Variants in ATIC observed in about 807,000 individuals in gnomAD.
ATIC encodes the protein 5-aminoimidazole-4-carboxamide ribonucleotide formyltransferase/IMP cyclohydrolase.
In ATIC, 64 loss-of-function variants were observed where a neutral mutation model predicts 72.5. That is an observed-to-expected ratio of 0.88 (90% CI 0.72 to 1.09). ATIC has a LOEUF of 1.09. ATIC is among the 50% of genes least tolerant of loss of function. The pLI is 0.00. For missense variants in ATIC, 787 were observed against 732.4 expected, an observed-to-expected ratio of 1.07 and a Z score of -0.86; for synonymous variants, 281 against 267.1, an observed-to-expected ratio of 1.05 and a Z score of -0.51.
chr2:215,337,158 C>T (rs1264136310), intron 11 of ATIC, among the ~76,000 whole-genome samples: 1 of 150,668 alleles, frequency 6.6e-6, no homozygotes, highest in Admixed American at 6.6e-5. Flanking sequence ...TAAGATTATG[C>T]ATTGATAAAG....
intron 2 of ATIC, 123 bp downstream of exon 2, chr2:215,312,747 A>T (rs2052667870): frequency 6.9e-7 from 1 of 1,446,642 alleles, no homozygotes. Context: ...AGGTTGGTGT[A>T]ATACTTCCCC....
intron 14 of ATIC, chr2:215,348,812 G>T: frequency 3.1e-6 from 1 of 319,230 alleles, no homozygotes. Context: ...ACAAAAATTA[G>T]CTGGGTGTGG....
intron 11 of ATIC, 72 bp downstream of exon 11, chr2:215,336,196 T>G: frequency 3.4e-6 from 4 of 1,168,416 alleles, no homozygotes; most frequent in Non-Finnish European, 5.2e-6. Flanking sequence ...TGTTTACTCT[T>G]TCCTTTATAC....
chr2:215,335,301 T>A (rs1392108374), intron 10 of ATIC, among the ~76,000 whole-genome samples: 1 of 152,154 alleles, frequency 6.6e-6, no homozygotes, highest in Non-Finnish European at 1.5e-5. Context: ...GAGCAGAAGT[T>A]GTAATTTTAG....
chr2:215,332,443 G>C lies in ATIC; in HGVS notation c.750G>C (p.Val250=). Residue 250 remains valine (V), a synonymous_variant, in exon 8 of 16, where the codon GTG becomes GTC. Transcript: ENST00000236959. ...ATGCTTTGAACGCCTGGCAGCTGGTGAAGGAACTCAAGGAGGCTTTAGGTA... is the reference window on the plus strand; with the variant it reads ...ATGCTTTGAACGCCTGGCAGCTGGTCAAGGAACTCAAGGAGGCTTTAGGTA... ...LCDALNAWQL[V]KELKEALGIP... 6.2e-7 allele frequency: 1 copy of C among 1,614,156 alleles called. No individual in the cohort carries two copies. Among genetic ancestry groups the C allele is most frequent in the Non-Finnish European group, 8.5e-7 (1 of 1,180,030 alleles).
intron 2 of ATIC, among the ~76,000 whole-genome samples, chr2:215,316,952 G>T (rs1293266830): frequency 6.6e-6 from 1 of 152,132 alleles, no homozygotes; most frequent in Admixed American, 6.5e-5. Context: ...AGTAGAGGCG[G>T]GGTTTCACCA....
At chr2:215,313,497 G>C (rs941412338) in intron 2 of ATIC, among the ~76,000 whole-genome samples, 3 of 152,084 alleles carry the variant, frequency 2.0e-5, no homozygotes, top group African/African-American at 7.2e-5. Context: ...CTACTGAAAG[G>C]TAGAAAAATG....
the ATIC span, among the ~76,000 whole-genome samples, chr2:215,365,992 A>AT: frequency 1.4e-5 from 1 of 73,066 alleles, no homozygotes; most frequent in African/African-American, 5.3e-5. Context: ...TTTTTTTTGT[A>AT]TTTTTTGTAG....
chr2:215,350,581 T>A (rs2053123070), downstream of ATIC, among the ~76,000 whole-genome samples: 2 of 152,238 alleles, frequency 1.3e-5, no homozygotes. Context: ...GATGTATATT[T>A]TTCTCAGTGC....
intron 5 of ATIC, among the ~76,000 whole-genome samples, chr2:215,325,746 T>C (rs1041234876): frequency 2.0e-5 from 3 of 151,772 alleles, no homozygotes; most frequent in African/African-American, 7.3e-5. Flanking sequence ...TTGTATTTTT[T>C]ATAGAGATGG....
intron 7 of ATIC, 78 bp from the exon 8 acceptor site, chr2:215,332,304 T>C: frequency 6.3e-7 from 1 of 1,580,970 alleles, no homozygotes; most frequent in East Asian, 2.2e-5. Flanking sequence ...TTTAGTCATG[T>C]TATTTTTTTG....
intron 2 of ATIC, among the ~76,000 whole-genome samples, chr2:215,314,984 T>C (rs563179624): frequency 2.1e-4 from 32 of 152,262 alleles, no homozygotes; most frequent in African/African-American, 7.0e-4. Flanking sequence ...CATTTTTATG[T>C]TTAGGTTCAA....
chr2:215,318,388 G>C (rs1277300470), intron 3 of ATIC, among the ~76,000 whole-genome samples, 155 bp downstream of exon 3: 2 of 152,200 alleles, frequency 1.3e-5, no homozygotes, highest in Non-Finnish European at 2.9e-5. Context: ...TAATACGTTA[G>C]AACTGGTTTA....
At chr2:215,327,401 T>C (rs1156825215) in intron 7 of ATIC, among the ~76,000 whole-genome samples, 1 of 152,156 alleles carries the variant, frequency 6.6e-6, no homozygotes. Context: ...TTTGCACATA[T>C]TGTAAGAAGC....
At chr2:215,337,931 A>G (rs371918323) in intron 11 of ATIC, among the ~76,000 whole-genome samples, 1 of 152,216 alleles carries the variant, frequency 6.6e-6, no homozygotes, top group Non-Finnish European at 1.5e-5. Flanking sequence ...CTACCTGACT[A>G]ATGATAAGTT....
intron 14 of ATIC, 23 bp downstream of exon 14, chr2:215,346,964 C>A: frequency 6.2e-7 from 1 of 1,613,130 alleles, no homozygotes. Context: ...GCATTGGGTT[C>A]TCGGCTGTGT....
chr2:215,331,939 A>G (rs544830880), intron 7 of ATIC, among the ~76,000 whole-genome samples: 1 of 152,312 alleles, frequency 6.6e-6, no homozygotes, highest in African/African-American at 2.4e-5. Context: ...TTTAGCTTGT[A>G]ATATAATTTC....
rs766158119 is a variant in ATIC at position 215,319,654 on chromosome 2, T to C, written c.224-11T>C. ...TGAAGCTAATGACTTTGTTTAACTT[T>C]TTTAAATTAGGAATCCTAGCTCGTA... On this transcript the variant is annotated splice_polypyrimidine_tract_variant and intron_variant, in intron 3 of 15. Coordinates refer to ENST00000236959, the MANE Select transcript of ATIC (RefSeq NM_004044.7). 1 of 1,601,252 alleles carries C rather than the reference T, an allele frequency of 6.2e-7. No individual in the cohort carries two copies. Among genetic ancestry groups the C allele is most frequent in the Non-Finnish European group, 8.6e-7 (1 of 1,168,302 alleles).
At chr2:215,348,309 T>C (rs1298265014) in intron 14 of ATIC, among the ~76,000 whole-genome samples, 1 of 152,216 alleles carries the variant, frequency 6.6e-6, no homozygotes, top group Non-Finnish European at 1.5e-5. Flanking sequence ...CTTTCCTAGA[T>C]TGGATATAGA....
Sources: gnomAD v4.1 joint callset for allele counts (sites outside exome capture counted in the v4.1 genomes callset) on GRCh38, gnomAD v4.1.1 for gene constraint, MANE v1.5 for transcripts, NCBI Gene and HGNC (gene_info 2026-07-23, HGNC 2026-07-21) for gene names.